Variants in SLC4A1AP observed in about 807,000 individuals in gnomAD.
SLC4A1AP encodes kanadaptin.
SLC4A1AP carries 64 observed loss-of-function variants against 89.7 expected under a neutral mutation model. That is an observed-to-expected ratio of 0.71 (90% CI 0.58 to 0.88). The LOEUF (loss-of-function observed/expected upper bound fraction) is 0.88. Ranked by LOEUF, SLC4A1AP falls within the 40% of genes least tolerant of loss-of-function variation. The probability of loss-of-function intolerance (pLI) is 0.00; values close to 1 mark genes in which losing one functional copy is unlikely to be tolerated. For synonymous variants in SLC4A1AP, 366 were observed against 353.3 expected (o/e 1.04, Z -0.40); for missense variants, 931 against 965.0 (o/e 0.96, Z 0.47).
intron 5 of SLC4A1AP, among the ~76,000 whole-genome samples, chr2:27,670,447 C>G (rs1315328781): frequency 6.6e-6 from 1 of 151,536 alleles, no homozygotes; most frequent in Non-Finnish European, 1.5e-5. Context: ...ATGTCTGGTT[C>G]AAAACTACCA....
At chr2:27,685,002 A>G in intron 9 of SLC4A1AP, 35 bp from the exon 10 acceptor site, 1 of 1,557,892 alleles carries the variant, frequency 6.4e-7, no homozygotes, top group Non-Finnish European at 8.6e-7. Context: ...GTCATTAAGT[A>G]GAACTACTTG....
At chr2:27,670,834 C>T (rs1675415058) in intron 5 of SLC4A1AP, among the ~76,000 whole-genome samples, 1 of 151,350 alleles carries the variant, frequency 6.6e-6, no homozygotes, top group African/African-American at 2.4e-5. Context: ...GCACTGCAGC[C>T]TGGGTGACAG....
chr2:27,669,267 A>G, exon 5 of SLC4A1AP: 1 of 1,612,128 alleles, frequency 6.2e-7, no homozygotes, highest in Non-Finnish European at 8.5e-7. Context: ...GGACGATTCA[A>G]CTGGAAAACA....
intron 4 of SLC4A1AP, 125 bp downstream of exon 4, chr2:27,669,028 C>G: frequency 8.8e-7 from 1 of 1,130,980 alleles, no homozygotes. Flanking sequence ...AAATTTGAGC[C>G]TTTATCGTTT....
At chr2:27,664,252 A>T (rs1274163924) in exon 1 of SLC4A1AP, 1 of 1,613,968 alleles carries the variant, frequency 6.2e-7, no homozygotes, top group Non-Finnish European at 8.5e-7. Flanking sequence ...ACAGCCCCCT[A>T]CAGCTTAGAG....
At chr2:27,691,984 T>C (rs1271388985) in intron 12 of SLC4A1AP, 1 of 152,202 alleles carries the variant, frequency 6.6e-6, no homozygotes, top group Non-Finnish European at 1.5e-5. Flanking sequence ...TCTCTCTCTC[T>C]CTTTTTTAAA....
chr2:27,671,993 C>T (rs374747184), intron 5 of SLC4A1AP, among the ~76,000 whole-genome samples: 4 of 152,202 alleles, frequency 2.6e-5, no homozygotes, highest in African/African-American at 7.2e-5. Flanking sequence ...ATTTTACATT[C>T]AGTGTTGCTT....
intron 5 of SLC4A1AP, among the ~76,000 whole-genome samples, chr2:27,673,212 T>G (rs1000322375): frequency 6.6e-5 from 10 of 152,190 alleles, no homozygotes; most frequent in African/African-American, 1.9e-4. Context: ...CCCCACTGTT[T>G]AGGATTTATC....
chr2:27,678,629 G>A (rs904952213), intron 8 of SLC4A1AP, among the ~76,000 whole-genome samples: 1 of 152,004 alleles, frequency 6.6e-6, no homozygotes, highest in Non-Finnish European at 1.5e-5. Flanking sequence ...CTACTCACAG[G>A]CCACAGGAAA....
chr2:27,684,853 C>T (rs1400646272), intron 9 of SLC4A1AP, among the ~76,000 whole-genome samples, 184 bp from the exon 10 acceptor site: 3 of 152,180 alleles, frequency 2.0e-5, no homozygotes, highest in African/African-American at 7.2e-5. Context: ...AATAAAGACA[C>T]TTGTTTAGGG....
At chr2:27,676,770 C>CA (rs2148135106) in intron 6 of SLC4A1AP, among the ~76,000 whole-genome samples, 1 of 148,990 alleles carries the variant, frequency 6.7e-6, no homozygotes, top group Non-Finnish European at 1.5e-5. Flanking sequence ...GCAGAGGTTG[C>CA]AGTGAGTCGA....
chr2:27,677,982 C>T (rs1675552763), intron 8 of SLC4A1AP, 58 bp downstream of exon 8: 7 of 1,118,670 alleles, frequency 6.3e-6, no homozygotes, highest in Non-Finnish European at 8.9e-6. Context: ...ATAACATTTT[C>T]AATTATCGCT....
intron 9 of SLC4A1AP, among the ~76,000 whole-genome samples, chr2:27,684,427 CAAA>C (rs574920714): frequency 9.6e-5 from 10 of 103,722 alleles, no homozygotes; most frequent in Middle Eastern, 5.0e-3. Context: ...GACTCTGTCT[CAAA>C]AAAAAAAAAA....
intron 8 of SLC4A1AP, among the ~76,000 whole-genome samples, chr2:27,680,011 C>T (rs943984724): frequency 1.3e-5 from 2 of 152,046 alleles, no homozygotes; most frequent in Admixed American, 6.6e-5. Context: ...GCTTGGGTTT[C>T]GATACCCTGT....
At chr2:27,689,062 T>G (rs1432734984) in intron 12 of SLC4A1AP, among the ~76,000 whole-genome samples, 2 of 152,226 alleles carry the variant, frequency 1.3e-5, no homozygotes, top group Non-Finnish European at 2.9e-5. Flanking sequence ...CTCCTTTTAT[T>G]ACACAAAAGG....
chr2:27,694,136 C>T (rs539025104), intron 13 of SLC4A1AP, among the ~76,000 whole-genome samples: 8 of 152,170 alleles, frequency 5.3e-5, no homozygotes, highest in East Asian at 1.9e-4. Flanking sequence ...CTCAGCTACT[C>T]GGTTGTTTTC....
chr2:27,687,078 A>G (rs1189020972), intron 10 of SLC4A1AP, among the ~76,000 whole-genome samples: 1 of 152,160 alleles, frequency 6.6e-6, no homozygotes, highest in Middle Eastern at 3.2e-3. Context: ...TGCTGGGATT[A>G]TAGGCGTAAG....
At chr2:27,668,305 C>T (rs796412683) in intron 3 of SLC4A1AP, among the ~76,000 whole-genome samples, 5 of 152,188 alleles carry the variant, frequency 3.3e-5, no homozygotes, top group African/African-American at 1.2e-4. Flanking sequence ...CCCGCCACCA[C>T]GCCCGGCTAA....
intron 8 of SLC4A1AP, among the ~76,000 whole-genome samples, chr2:27,679,161 A>T (rs898431885): frequency 2.0e-5 from 3 of 152,252 alleles, no homozygotes; most frequent in Non-Finnish European, 4.4e-5. Flanking sequence ...GGCAGTCTCT[A>T]TCCTGATTAC....
Sources: allele counts gnomAD v4.1 joint callset (sites outside exome capture counted in the v4.1 genomes callset), GRCh38; gene constraint gnomAD v4.1.1; transcripts MANE v1.5; gene names NCBI Gene and HGNC (gene_info 2026-07-23, HGNC 2026-07-21).